Variants in GRIN2B observed in about 807,000 individuals in gnomAD.
GRIN2B encodes the protein glutamate ionotropic receptor NMDA type subunit 2B.
GRIN2B carries 5 observed loss-of-function variants against 114.5 expected under a neutral mutation model. The observed-to-expected ratio is 0.04, with a 90% CI of 0.02 to 0.09. The LOEUF (loss-of-function observed/expected upper bound fraction) is 0.09. Among genes scored for constraint, GRIN2B ranks in the 10% least tolerant of loss-of-function variants. The pLI is 1.00. For synonymous variants in GRIN2B, 787 were observed against 745.1 expected, an observed-to-expected ratio of 1.06 and a Z score of -0.92; for missense variants, 1,108 against 1,943.5, an observed-to-expected ratio of 0.57 and a Z score of 8.08.
At chr12:13,944,874 C>G (rs1342327782) in intron 2 of GRIN2B, among the ~76,000 whole-genome samples, 2 of 152,100 alleles carry the variant, frequency 1.3e-5, no homozygotes, top group Non-Finnish European at 2.9e-5. Flanking sequence ...TGTGGAAGTT[C>G]CCAGCTGAGA....
At chr12:13,916,970 T>C (rs374841814) in intron 2 of GRIN2B, among the ~76,000 whole-genome samples, 1 of 151,464 alleles carries the variant, frequency 6.6e-6, no homozygotes, top group Non-Finnish European at 1.5e-5. Flanking sequence ...CAAATAGAAA[T>C]ATGCCAGGCA....
rs1016167965 is a variant in GRIN2B at position 13,899,794 on chromosome 12, A to G, written c.-18-33568T>C. ...ACGTAGCTATGGCCATGCTTTTTTTAGAGAAATCCACAGATGTGCTTTATA... is the reference window on the plus strand; with the variant it reads ...ACGTAGCTATGGCCATGCTTTTTTTGGAGAAATCCACAGATGTGCTTTATA... On this transcript the variant is annotated intron_variant, in intron 2 of 13. Coordinates refer to ENST00000609686, the MANE Select transcript of GRIN2B (RefSeq NM_000834.5). Among the ~76,000 whole-genome samples, 13 of 112,752 alleles carry G rather than the reference A, an allele frequency of 1.2e-4. 2 individuals are homozygous for G. Among genetic ancestry groups the G allele is most frequent in the African/African-American group, 2.6e-4 (10 of 38,202 alleles). 74.0% of individuals were successfully genotyped at this position (112,752 alleles called of 152,430 possible). A position where few individuals can be genotyped will look rare whatever the true frequency, so the allele number is the denominator to read the frequency against.
At chr12:13,908,361 G>A (rs999165336) in intron 2 of GRIN2B, among the ~76,000 whole-genome samples, 5 of 152,148 alleles carry the variant, frequency 3.3e-5, no homozygotes, top group Non-Finnish European at 7.3e-5. Context: ...CATTATCCCT[G>A]TGAGCATCAT....
chr12:13,590,764 G>A (rs544784756), intron 10 of GRIN2B, among the ~76,000 whole-genome samples: 39 of 152,158 alleles, frequency 2.6e-4, no homozygotes, highest in Non-Finnish European at 5.0e-4. Flanking sequence ...GCATATACCC[G>A]GCAATGGAAT....
chr12:13,965,709 CA>C (rs1867779498), intron 2 of GRIN2B, among the ~76,000 whole-genome samples: 1 of 152,018 alleles, frequency 6.6e-6, no homozygotes, highest in Non-Finnish European at 1.5e-5. Flanking sequence ...TAAAGTTTTT[CA>C]TTTTTTATTT....
At chr12:13,750,519 G>A (rs905863341) in intron 4 of GRIN2B, among the ~76,000 whole-genome samples, 2 of 152,188 alleles carry the variant, frequency 1.3e-5, no homozygotes, top group African/African-American at 2.4e-5. Flanking sequence ...TGATTTCTTC[G>A]TGTTGTTGGG....
intron 5 of GRIN2B, among the ~76,000 whole-genome samples, chr12:13,637,152 A>G (rs932176146): frequency 6.6e-6 from 1 of 152,198 alleles, no homozygotes; most frequent in African/African-American, 2.4e-5. Context: ...TTGCAAGTTG[A>G]AAGACTGGAT....
At chr12:13,778,596 T>C (rs910692377) in intron 3 of GRIN2B, among the ~76,000 whole-genome samples, 1 of 151,600 alleles carries the variant, frequency 6.6e-6, no homozygotes, top group Non-Finnish European at 1.5e-5. Flanking sequence ...CTAACTAGTA[T>C]AGAGAGTTCC....
intron 3 of GRIN2B, among the ~76,000 whole-genome samples, chr12:13,767,119 G>C (rs1036382970): frequency 1.3e-5 from 2 of 152,084 alleles, no homozygotes; most frequent in Non-Finnish European, 2.9e-5. Context: ...AATTAGCCGG[G>C]CGTGGTGGCG....
chr12:13,594,417 C>A (rs1174358435), intron 10 of GRIN2B, among the ~76,000 whole-genome samples: 2 of 151,626 alleles, frequency 1.3e-5, no homozygotes, highest in Non-Finnish European at 2.9e-5. Flanking sequence ...AGCAAACTAA[C>A]ACAAGCACAG....
At chr12:13,601,152 G>A (rs1008215912) in intron 10 of GRIN2B, among the ~76,000 whole-genome samples, 31 of 152,200 alleles carry the variant, frequency 2.0e-4, no homozygotes, top group African/African-American at 7.5e-4. Context: ...TGAAGGCCTT[G>A]TATTAGGTCC....
At position 13,562,404 on chromosome 12, in the gene GRIN2B, T is replaced by C; in HGVS notation, c.*379A>G. On this transcript the variant is annotated 3_prime_UTR_variant, in exon 14 of 14. Transcript: ENST00000609686. ...GGGAAAAGCTACCTTTGTGCTCACA[T>C]AGCCTCTTTTTGGTTCTCCCAGCTT... 4.2e-6 allele frequency: 1 copy of C among 238,822 alleles called. No individual in the cohort carries two copies. The highest frequency in any genetic ancestry group is 8.2e-6 in the Non-Finnish European group (1 of 122,060). 14.8% of individuals were successfully genotyped at this position (238,822 alleles called of 1,614,324 possible). A position where few individuals can be genotyped will look rare whatever the true frequency, so the allele number is the denominator to read the frequency against.
At chr12:13,865,686 A>G (rs1027351737) in intron 3 of GRIN2B, 112 bp downstream of exon 3, 16 of 905,374 alleles carry the variant, frequency 1.8e-5, no homozygotes, top group Admixed American at 8.5e-5. Context: ...CACGCTGTCA[A>G]TGCAATCTGG....
chr12:13,951,901 G>A (rs1197370720), intron 2 of GRIN2B, among the ~76,000 whole-genome samples: 1 of 152,072 alleles, frequency 6.6e-6, no homozygotes. Flanking sequence ...AAAGAGAAGA[G>A]GGGAGAAAAA....
rs201147007 is a variant in GRIN2B, at chr12:13,547,977, A to ATTTTTTTTTTT, written c.*14805_*14806insAAAAAAAAAAA. Reference sequence around the variant, plus strand: ...TGTGTGTGTATATATATATATATATATATATTTTTTTTTTTTTTCTGAAAG... The same window carrying ATTTTTTTTTTT: ...TGTGTGTGTATATATATATATATATATTTTTTTTTTTTATATTTTTTTTTTTTTTCTGAAAG... On this transcript the variant is annotated 3_prime_UTR_variant, in exon 14 of 14. Coordinates refer to ENST00000609686, the MANE Select transcript of GRIN2B (RefSeq NM_000834.5). 8.7e-5 allele frequency: 5 copies of ATTTTTTTTTTT among 57,382 alleles called. No homozygotes were observed. Among genetic ancestry groups the ATTTTTTTTTTT allele is most frequent in the East Asian group, 5.7e-4 (1 of 1,760 alleles). 3.6% of individuals were successfully genotyped at this position (57,382 alleles called of 1,614,324 possible). A position where few individuals can be genotyped will look rare whatever the true frequency, so the allele number is the denominator to read the frequency against.
chr12:13,935,912 T>C (rs181256462), intron 2 of GRIN2B, among the ~76,000 whole-genome samples: 63 of 152,260 alleles, frequency 4.1e-4, no homozygotes, highest in African/African-American at 1.2e-3. Context: ...ATGAAAACTT[T>C]ATGAGATGAG....
chr12:13,758,793 T>A (rs1472694699), intron 3 of GRIN2B, among the ~76,000 whole-genome samples: 1 of 152,188 alleles, frequency 6.6e-6, no homozygotes. Context: ...CATGCCTCCG[T>A]CATCATACTT....
chr12:13,595,930 G>GGT, intron 10 of GRIN2B, among the ~76,000 whole-genome samples: 1 of 152,042 alleles, frequency 6.6e-6, no homozygotes, highest in East Asian at 1.9e-4. Flanking sequence ...TACCCTATGT[G>GGT]GTGTATGTGC....
intron 4 of GRIN2B, among the ~76,000 whole-genome samples, chr12:13,746,772 G>A (rs1371199421): frequency 1.3e-5 from 2 of 152,188 alleles, no homozygotes; most frequent in Non-Finnish European, 2.9e-5. Flanking sequence ...TCATGAGTGA[G>A]TTCTCACTCT....
Sources: gnomAD v4.1 joint callset for allele counts (sites outside exome capture counted in the v4.1 genomes callset) on GRCh38, gnomAD v4.1.1 for gene constraint, MANE v1.5 for transcripts, NCBI Gene and HGNC (gene_info 2026-07-23, HGNC 2026-07-21) for gene names.